Variants in ARHGEF9 observed in about 807,000 individuals in gnomAD.
ARHGEF9 encodes Cdc42 guanine nucleotide exchange factor 9.
ARHGEF9 carries 2 observed loss-of-function variants against 41.3 expected under a neutral mutation model. The ratio of observed to expected loss-of-function variants is 0.05; its 90% CI spans 0.02 to 0.15. The LOEUF (loss-of-function observed/expected upper bound fraction) is 0.15, where lower values mean the gene tolerates loss of function less well. Ranked by LOEUF, ARHGEF9 falls within the 10% of genes least tolerant of loss-of-function variation. ARHGEF9 has a pLI of 1.00. For missense variants in ARHGEF9, 225 were observed against 424.7 expected (o/e 0.53, Z 4.13); for synonymous variants, 160 against 154.4 (o/e 1.04, Z -0.27).
chrX:63,684,156 T>A (rs2050833056), intron 4 of ARHGEF9, among the ~76,000 whole-genome samples: 1 of 109,750 alleles, frequency 9.1e-6, no homozygotes, highest in Non-Finnish European at 1.9e-5. Flanking sequence ...CTCACATCAC[T>A]TCACAGCAAA....
At chrX:63,775,910 C>G (rs2056286415) in intron 1 of ARHGEF9, among the ~76,000 whole-genome samples, 6 of 111,280 alleles carry the variant, frequency 5.4e-5, no homozygotes, top group Admixed American at 1.9e-4. Flanking sequence ...ATACCCTGAA[C>G]CCCTCACCCA....
intron 1 of ARHGEF9, among the ~76,000 whole-genome samples, chrX:63,774,067 ATCT>A (rs1556456578): frequency 5.5e-5 from 6 of 108,778 alleles, no homozygotes; most frequent in African/African-American, 2.0e-4. Context: ...CTATCTATCT[ATCT>A]ATCTATCTAT....
At chrX:63,641,110 G>C (rs1479389715) in intron 9 of ARHGEF9, 1 of 111,010 alleles carries the variant, frequency 9.0e-6, no homozygotes, top group African/African-American at 3.3e-5. Flanking sequence ...CCAGAACTTT[G>C]GGAGGACGAG....
intron 9 of ARHGEF9, chrX:63,640,374 T>C (rs2047546504): frequency 1.8e-5 from 2 of 112,250 alleles, no homozygotes; most frequent in South Asian, 3.7e-4. Context: ...ACTGTAACTA[T>C]ATAATGAGTG....
Position 63,706,253 on chromosome X carries a change from G to T in ARHGEF9, c.402+5C>A. On this transcript the variant is annotated splice_donor_5th_base_variant and intron_variant, in intron 3 of 9. Transcript: ENST00000671741. ...AAGTGCCTCCACATGAACCACCATG[G>T]TTACCTCACAAATATCCTTGAGGTG... 2 of 1,195,483 alleles carry T rather than the reference G, an allele frequency of 1.7e-6. No homozygotes were observed. Among genetic ancestry groups the T allele is most frequent in the Non-Finnish European group, 2.3e-6 (2 of 886,395 alleles).
chrX:63,638,510 G>A (rs782039136), intron 9 of ARHGEF9: 264 of 392,597 alleles, frequency 6.7e-4, no homozygotes, highest in African/African-American at 6.3e-3. Context: ...TTATACCCAA[G>A]GTCACATGGT....
intron 4 of ARHGEF9, among the ~76,000 whole-genome samples, 190 bp from the exon 5 acceptor site, chrX:63,678,762 T>C (rs1556365815): frequency 8.9e-6 from 1 of 112,097 alleles, no homozygotes; most frequent in Non-Finnish European, 1.9e-5. Flanking sequence ...ACAAACTGAC[T>C]GTAAATTTCT....
chrX:63,647,915 A>G (rs1183709558), intron 8 of ARHGEF9, among the ~76,000 whole-genome samples: 1 of 110,981 alleles, frequency 9.0e-6, no homozygotes, highest in Non-Finnish European at 1.9e-5. Flanking sequence ...TAGAGCCTGT[A>G]AACGAACAAA....
Position 63,661,901 on chromosome X carries a change from A to C in ARHGEF9, c.1077+3985T>G, listed in dbSNP as rs782529788. 3.6e-5 allele frequency among the ~76,000 whole-genome samples: 4 copies of C among 112,306 alleles called. No individual in the cohort carries two copies. In the East Asian group the frequency reaches 8.4e-4, roughly 24 times the overall value. On this transcript the variant is annotated intron_variant, in intron 7 of 9. Coordinates refer to ENST00000671741, the MANE Select transcript of ARHGEF9 (RefSeq NM_001353921.2). ...GCATAATTGACTGGGAATTAAGGGA[A>C]TCTTAACAGTTGGATGAGAACTTAG...
At chrX:63,673,935 T>C in intron 6 of ARHGEF9, 103 bp downstream of exon 6, 8 of 1,030,064 alleles carry the variant, frequency 7.8e-6, no homozygotes, top group Non-Finnish European at 1.1e-5. Context: ...ATCCTTACTG[T>C]TGCTCTTCAA....
chrX:63,727,314 C>T (rs1556417638), intron 1 of ARHGEF9: 1 of 111,511 alleles, frequency 9.0e-6, no homozygotes, highest in Non-Finnish European at 1.9e-5. Flanking sequence ...CCTGGCTTTT[C>T]CCAGAAGCAG....
intron 8 of ARHGEF9, among the ~76,000 whole-genome samples, chrX:63,644,693 C>G (rs2047879687): frequency 9.1e-6 from 1 of 109,424 alleles, no homozygotes; most frequent in African/African-American, 3.3e-5. Flanking sequence ...TAACAAAAAA[C>G]AGACATCATA....
chrX:63,742,501 C>T (rs1419439166), intron 1 of ARHGEF9, among the ~76,000 whole-genome samples: 11 of 111,824 alleles, frequency 9.8e-5, no homozygotes, highest in Admixed American at 4.7e-4. Flanking sequence ...TCTCCCTATT[C>T]TTGTCATTCC....
chrX:63,673,986 C>CT, intron 6 of ARHGEF9, 52 bp downstream of exon 6: 1 of 1,202,808 alleles, frequency 8.3e-7, no homozygotes, highest in Non-Finnish European at 1.1e-6. Context: ...AGATGGGAAG[C>CT]TTTTGCCAAG....
chrX:63,748,138 G>T (rs2055386931), intron 1 of ARHGEF9, among the ~76,000 whole-genome samples: 1 of 112,248 alleles, frequency 8.9e-6, no homozygotes, highest in Non-Finnish European at 1.9e-5. Context: ...ATAAATGCTG[G>T]CACAACCAGG....
chrX:63,750,677 T>A (rs2055570115), intron 1 of ARHGEF9, among the ~76,000 whole-genome samples: 1 of 110,496 alleles, frequency 9.1e-6, no homozygotes, highest in African/African-American at 3.3e-5. Context: ...AGCCAAAAGT[T>A]AGGGTGAAAA....
chrX:63,735,037 C>A (rs782061557), intron 1 of ARHGEF9, among the ~76,000 whole-genome samples: 15 of 111,182 alleles, frequency 1.3e-4, no homozygotes, highest in African/African-American at 4.9e-4. Context: ...AATGTCCCTG[C>A]CCTGGGAGCC....
chrX:63,674,209 C>G (rs781880430), intron 5 of ARHGEF9, 42 bp from the exon 6 acceptor site: 5 of 1,198,107 alleles, frequency 4.2e-6, no homozygotes, highest in South Asian at 3.6e-5. Context: ...ACCAATGTGC[C>G]AAAGAACCAA....
At position 63,766,454 on chromosome X, in the gene ARHGEF9, T is replaced by C. The variant is rs145116529; in HGVS notation, c.30+18662A>G. On this transcript the variant is annotated intron_variant, in intron 1 of 9. Coordinates refer to ENST00000671741, the MANE Select transcript of ARHGEF9 (RefSeq NM_001353921.2). ...TACCTGGGCCAAAAGAAATGTTTGCTACCAATGCCTCTGTCCTCTCTTAGG... is the reference window on the plus strand; with the variant it reads ...TACCTGGGCCAAAAGAAATGTTTGCCACCAATGCCTCTGTCCTCTCTTAGG... 1.0e-2 allele frequency among the ~76,000 whole-genome samples: 1,120 copies of C among 112,083 alleles called. 9 individuals carry two copies. Among genetic ancestry groups the C allele is most frequent in the African/African-American group, 0.034 (1,054 of 30,829 alleles).
Sources: gnomAD v4.1 joint callset for allele counts (sites outside exome capture counted in the v4.1 genomes callset) on GRCh38, gnomAD v4.1.1 for gene constraint, MANE v1.5 for transcripts, NCBI Gene and HGNC (gene_info 2026-07-23, HGNC 2026-07-21) for gene names.